The following DLGAP1 variants were observed in gnomAD, a reference collection of about 807,000 sequenced individuals.
The protein encoded by DLGAP1 is disks large-associated protein 1.
In DLGAP1, 11 loss-of-function variants were observed where a neutral mutation model predicts 90.8. The observed-to-expected ratio is 0.12, with a 90% CI of 0.08 to 0.20. The LOEUF is 0.20. Ranked by LOEUF, DLGAP1 falls within the 10% of genes least tolerant of loss-of-function variation. DLGAP1 has a pLI of 1.00. For missense variants in DLGAP1, 1,050 were observed against 1,333.8 expected, an observed-to-expected ratio of 0.79 and a Z score of 3.31; for synonymous variants, 558 against 540.7, an observed-to-expected ratio of 1.03 and a Z score of -0.44.
At chr18:3,766,531 C>A (rs2064251258) in intron 5 of DLGAP1, among the ~76,000 whole-genome samples, 1 of 151,884 alleles carries the variant, frequency 6.6e-6, no homozygotes. Flanking sequence ...TCATTGTTTC[C>A]AAGTGCCCAT....
intron 11 of DLGAP1, among the ~76,000 whole-genome samples, chr18:3,507,877 T>C (rs11663677): frequency 0.97 from 147,621 of 152,016 alleles, 71,788 homozygotes; most frequent in Non-Finnish European, 1. Flanking sequence ...GCTGGGATTA[T>C]AGGCACCTGC....
intron 7 of DLGAP1, among the ~76,000 whole-genome samples, chr18:3,710,759 CAG>C (rs1175676426): frequency 1.3e-5 from 2 of 152,142 alleles, no homozygotes; most frequent in East Asian, 3.9e-4. Context: ...TGACTTGGGG[CAG>C]AGCCAAGTGG....
At chr18:3,546,831 T>C (rs1019154451) in intron 9 of DLGAP1, among the ~76,000 whole-genome samples, 1 of 151,880 alleles carries the variant, frequency 6.6e-6, no homozygotes, top group Non-Finnish European at 1.5e-5. Flanking sequence ...CGAATGCAGC[T>C]CAAGGTAAAC....
chr18:4,428,537 A>T (rs1415223650), intron 1 of DLGAP1, among the ~76,000 whole-genome samples: 1 of 152,110 alleles, frequency 6.6e-6, no homozygotes, highest in African/African-American at 2.4e-5. Context: ...AACCGAGATC[A>T]CATCACTGCA....
intron 3 of DLGAP1, chr18:3,885,361 C>T (rs1290370556): frequency 2.6e-5 from 4 of 152,176 alleles, no homozygotes; most frequent in Non-Finnish European, 2.9e-5. Context: ...ACAGTGAATC[C>T]CTAGTGGTCA....
intron 7 of DLGAP1, among the ~76,000 whole-genome samples, chr18:3,613,650 T>A (rs2038049982): frequency 6.6e-6 from 1 of 152,182 alleles, no homozygotes; most frequent in Admixed American, 6.6e-5. Flanking sequence ...TGGCCCACAG[T>A]GTCCAGTGCC....
chr18:3,510,637 C>T (rs1035008136), intron 10 of DLGAP1, among the ~76,000 whole-genome samples: 9 of 152,096 alleles, frequency 5.9e-5, no homozygotes, highest in African/African-American at 1.4e-4. Flanking sequence ...ACTGTGAGAT[C>T]GGCAAATCTC....
At chr18:4,450,876 A>AG (rs1419481256) in intron 1 of DLGAP1, among the ~76,000 whole-genome samples, 13 of 152,188 alleles carry the variant, frequency 8.5e-5, no homozygotes, top group Non-Finnish European at 1.6e-4. Context: ...ACTGATATCT[A>AG]GTTCACAATT....
chr18:3,797,248 C>T (rs2148288660), intron 5 of DLGAP1, among the ~76,000 whole-genome samples: 1 of 152,176 alleles, frequency 6.6e-6, no homozygotes, highest in East Asian at 1.9e-4. Flanking sequence ...ATTGCTTTAA[C>T]CCGGGAGGCA....
At chr18:4,164,682 AAAAAC>A (rs532485957) in intron 1 of DLGAP1, among the ~76,000 whole-genome samples, 12 of 152,172 alleles carry the variant, frequency 7.9e-5, no homozygotes, top group Middle Eastern at 3.2e-3. Context: ...TCTGTCTCAA[AAAAAC>A]AAAACAAAAC....
intron 1 of DLGAP1, among the ~76,000 whole-genome samples, chr18:4,162,905 TC>T (rs1176159336): frequency 2.1e-5 from 3 of 140,332 alleles, no homozygotes; most frequent in African/African-American, 9.0e-5. Context: ...TCTGAAATAA[TC>T]AGAGTTTTTT....
intron 7 of DLGAP1, among the ~76,000 whole-genome samples, chr18:3,634,333 GA>G (rs2058624216): frequency 6.6e-6 from 1 of 151,884 alleles, no homozygotes; most frequent in Non-Finnish European, 1.5e-5. Context: ...CTACTCCAAA[GA>G]AAAAAGTGAC....
At chr18:4,033,568 A>T (rs2074834179) in intron 2 of DLGAP1, among the ~76,000 whole-genome samples, 1 of 152,206 alleles carries the variant, frequency 6.6e-6, no homozygotes, top group African/African-American at 2.4e-5. Context: ...CATCCAAAAA[A>T]TGGCTCACCA....
rs1286392069 is a variant in DLGAP1 at position 3,565,527 on chromosome 18, G to A, written c.2057+1963C>T. Among the ~76,000 whole-genome samples the A allele has an allele frequency of 6.6e-6, 1 of 151,942 alleles. No individual in the cohort carries two copies. Among genetic ancestry groups the A allele is most frequent in the Non-Finnish European group, 1.5e-5 (1 of 67,992 alleles). ...TAAAACACTTAATAAAGAAACATAT[G>A]CCTAGGACATTAAAGCAATGATTAC... On this transcript the variant is annotated intron_variant, in intron 9 of 12. Coordinates refer to ENST00000315677, the MANE Select transcript of DLGAP1 (RefSeq NM_004746.4). This position sits in a 1 kb window ranked among gnomAD's most constrained non-coding sequence, Gnocchi z 4.0.
rs1442741273 is a variant in DLGAP1 at position 4,342,969 on chromosome 18, A to G, written c.-267+112037T>C. On this transcript the variant is annotated intron_variant, in intron 1 of 12. Transcript: ENST00000315677. This position sits in a 1 kb window ranked among gnomAD's most constrained non-coding sequence, Gnocchi z 5.8. ...GCTCACGGATTATTTCAGATTCAGG[A>G]TTGTACTGGGATAAATATAATCTAA... Among the ~76,000 whole-genome samples, 1 of 152,208 alleles carries G rather than the reference A, an allele frequency of 6.6e-6. No homozygotes were observed.
intron 5 of DLGAP1, among the ~76,000 whole-genome samples, chr18:3,784,736 G>A (rs1232084331): frequency 6.6e-6 from 1 of 152,174 alleles, no homozygotes; most frequent in Non-Finnish European, 1.5e-5. Flanking sequence ...TGGGGAAAAG[G>A]CGCTGCCAGA....
chr18:3,679,215 C>T (rs937256102), intron 7 of DLGAP1, among the ~76,000 whole-genome samples: 5 of 111,808 alleles, frequency 4.5e-5, no homozygotes, highest in African/African-American at 2.1e-4. Context: ...CTCCCACCCC[C>T]ATGGATTTTT....
chr18:4,372,532 G>C (rs566344526), intron 1 of DLGAP1, among the ~76,000 whole-genome samples: 2 of 152,348 alleles, frequency 1.3e-5, no homozygotes, highest in South Asian at 4.1e-4. Flanking sequence ...CCTGGTGTTA[G>C]AGGAAGGGGT....
At chr18:4,251,788 A>T (rs1325726434) in intron 1 of DLGAP1, among the ~76,000 whole-genome samples, 1 of 152,250 alleles carries the variant, frequency 6.6e-6, no homozygotes, top group East Asian at 1.9e-4. Flanking sequence ...CTACCCCTGC[A>T]GGAGGAAGAA....
Sources: gnomAD v4.1 joint callset for allele counts (sites outside exome capture counted in the v4.1 genomes callset) on GRCh38, gnomAD v4.1.1 for gene constraint, Gnocchi (gnomAD v3.1) non-coding constraint, MANE v1.5 for transcripts, NCBI Gene and HGNC (gene_info 2026-07-23, HGNC 2026-07-21) for gene names.